The following FAF1 variants were observed in gnomAD, a reference collection of about 807,000 sequenced individuals.
FAF1 encodes Fas associated factor 1.
In FAF1, 25 loss-of-function variants were observed where a neutral mutation model predicts 92.5. The observed-to-expected ratio is 0.27, with a 90% CI of 0.20 to 0.38. The LOEUF (loss-of-function observed/expected upper bound fraction) is 0.38. Ranked by LOEUF, FAF1 falls within the 10% of genes least tolerant of loss-of-function variation. The pLI, the probability that FAF1 is intolerant of heterozygous loss-of-function variation, is 1.00. For synonymous variants in FAF1, 234 were observed against 273.2 expected, an observed-to-expected ratio of 0.86 and a Z score of 1.42; for missense variants, 636 against 793.3, an observed-to-expected ratio of 0.80 and a Z score of 2.38.
intron 8 of FAF1, among the ~76,000 whole-genome samples, chr1:50,651,453 T>A (rs1233025319): frequency 6.6e-6 from 1 of 152,204 alleles, no homozygotes; most frequent in African/African-American, 2.4e-5. Context: ...GGTATTTTCA[T>A]AAATTCACAG....
chr1:50,760,150 A>G (rs1660264449), intron 4 of FAF1, among the ~76,000 whole-genome samples: 1 of 152,158 alleles, frequency 6.6e-6, no homozygotes, highest in Admixed American at 6.5e-5. Context: ...TCCTAAATAT[A>G]TATGCACCCA....
chr1:50,656,984 A>G (rs115110771), intron 7 of FAF1, among the ~76,000 whole-genome samples: 3 of 152,080 alleles, frequency 2.0e-5, no homozygotes, highest in Non-Finnish European at 4.4e-5. Flanking sequence ...GTCAAGGTAC[A>G]AGGATCACTT....
intron 1 of FAF1, among the ~76,000 whole-genome samples, chr1:50,901,622 T>A (rs921452768): frequency 6.6e-6 from 1 of 152,046 alleles, no homozygotes; most frequent in Non-Finnish European, 1.5e-5. Context: ...TCTCAGCACT[T>A]TGGGAAGCCA....
intron 7 of FAF1, among the ~76,000 whole-genome samples, chr1:50,678,065 T>C (rs556422203): frequency 2.2e-4 from 33 of 152,314 alleles, no homozygotes; most frequent in African/African-American, 7.7e-4. Context: ...TACCCTTCCA[T>C]ATATGCTTGG....
chr1:50,889,498 A>G (rs1215303728), intron 1 of FAF1, among the ~76,000 whole-genome samples: 1 of 152,168 alleles, frequency 6.6e-6, no homozygotes, highest in Non-Finnish European at 1.5e-5. Context: ...TCTTGTGGGC[A>G]TTTAGTGCTA....
chr1:50,493,031 CTTCT>C (rs1307945980), intron 15 of FAF1, among the ~76,000 whole-genome samples: 2 of 142,618 alleles, frequency 1.4e-5, no homozygotes, highest in African/African-American at 2.9e-5. Context: ...AAGGATTAAA[CTTCT>C]TTTTTTTTTT....
In FAF1 at chr1:50,557,702, TAGAAG is replaced by T. The variant is rs375527132; in HGVS notation, c.1268+9370_1268+9374del. Among the ~76,000 whole-genome samples the T allele has an allele frequency of 2.0e-4, 31 of 152,258 alleles. No individual in the cohort carries two copies. In the East Asian group the frequency reaches 5.0e-3, roughly 25 times the overall value. On this transcript the variant is annotated intron_variant, in intron 13 of 18. Transcript: ENST00000396153. ...CTGACTGTTTTACTATCAGTGTTTATAGAAGAGGAGAAATGTGCTACCAATTTCAA... is the reference window on the plus strand; with the variant it reads ...CTGACTGTTTTACTATCAGTGTTTATAGGAGAAATGTGCTACCAATTTCAA...
chr1:50,887,319 G>GTT (rs1557575341), intron 1 of FAF1, among the ~76,000 whole-genome samples: 1 of 151,952 alleles, frequency 6.6e-6, no homozygotes, highest in Admixed American at 6.6e-5. Flanking sequence ...TCTCCCATTC[G>GTT]GTAGGTTGCC....
intron 4 of FAF1, among the ~76,000 whole-genome samples, chr1:50,760,640 G>A (rs553805883): frequency 7.9e-5 from 12 of 152,090 alleles, no homozygotes; most frequent in Non-Finnish European, 1.2e-4. Context: ...TGAAACCAAC[G>A]AGAACAAAGA....
At chr1:50,912,729 T>C (rs1002752148) in intron 1 of FAF1, among the ~76,000 whole-genome samples, 4 of 152,200 alleles carry the variant, frequency 2.6e-5, no homozygotes, top group African/African-American at 9.6e-5. Flanking sequence ...TAAATGCCAG[T>C]GCCACAGTGT....
intron 2 of FAF1, among the ~76,000 whole-genome samples, chr1:50,815,196 G>A (rs1323550970): frequency 6.6e-6 from 1 of 152,090 alleles, no homozygotes; most frequent in Non-Finnish European, 1.5e-5. Flanking sequence ...CGTGAGCAGA[G>A]TACCTAATAG....
At chr1:50,805,517 A>C (rs1662159355) in intron 2 of FAF1, among the ~76,000 whole-genome samples, 1 of 152,198 alleles carries the variant, frequency 6.6e-6, no homozygotes. Flanking sequence ...GGTGGGCTTT[A>C]GACCTTTTGG....
At chr1:50,472,085 G>A (rs945110996) in intron 18 of FAF1, among the ~76,000 whole-genome samples, 1 of 152,000 alleles carries the variant, frequency 6.6e-6, no homozygotes, top group Non-Finnish European at 1.5e-5. Flanking sequence ...TTTCTGGGAA[G>A]GGCCTATGTT....
At chr1:50,815,515 T>G (rs1424247940) in intron 2 of FAF1, among the ~76,000 whole-genome samples, 1 of 152,230 alleles carries the variant, frequency 6.6e-6, no homozygotes, top group Non-Finnish European at 1.5e-5. Context: ...AATACTGCTG[T>G]GATGAACACA....
In FAF1 at chr1:50,931,068, C is replaced by T. The variant is rs376831884; in HGVS notation, c.45+28699G>A. 2.0e-5 allele frequency among the ~76,000 whole-genome samples: 3 copies of T among 152,112 alleles called. No homozygotes were observed. The East Asian group carries it at 5.8e-4, about 29-fold the overall frequency. ...GAGAAGCATCTTTATATTCCAGATG[C>T]TTCTCTTATACGAAATATAGATCAA... On this transcript the variant is annotated intron_variant, in intron 1 of 18. Coordinates refer to ENST00000396153, the MANE Select transcript of FAF1 (RefSeq NM_007051.3).
At position 50,734,594 on chromosome 1, in the gene FAF1, C is replaced by T. The variant is rs112331712; in HGVS notation, c.551+4269G>A. Among the ~76,000 whole-genome samples, 59 of 151,970 alleles carry T rather than the reference C, an allele frequency of 3.9e-4. 4 individuals are homozygous for T. The highest frequency in any genetic ancestry group is 1.4e-3 in the African/African-American group (56 of 41,462). The stretch of plus-strand genomic sequence containing the variant: ...CTAAATATACAAAAAATTAGCCGGG[C>T]GTATTGGCGGGCGCCTGTATTCCCA... On this transcript the variant is annotated intron_variant, in intron 6 of 18. Transcript: ENST00000396153.
chr1:50,539,526 G>C (rs1340086442), intron 14 of FAF1, 66 bp downstream of exon 14: 1 of 1,105,398 alleles, frequency 9.0e-7, no homozygotes, highest in Non-Finnish European at 1.3e-6. Flanking sequence ...TGTCAGCTTG[G>C]GTGGAAAAAC....
intron 1 of FAF1, among the ~76,000 whole-genome samples, chr1:50,879,201 C>A (rs927139961): frequency 5.3e-5 from 8 of 152,044 alleles, no homozygotes; most frequent in African/African-American, 1.9e-4. Context: ...GACAAGATTG[C>A]GCCACTGCAC....
chr1:50,510,138 C>T (rs1374056401), intron 15 of FAF1, among the ~76,000 whole-genome samples: 2 of 149,202 alleles, frequency 1.3e-5, no homozygotes, highest in Non-Finnish European at 3.0e-5. Flanking sequence ...TGCACTCTAG[C>T]CTGGGTGACA....
Sources: allele counts gnomAD v4.1 joint callset (sites outside exome capture counted in the v4.1 genomes callset), GRCh38; gene constraint gnomAD v4.1.1; transcripts MANE v1.5; gene names NCBI Gene and HGNC (gene_info 2026-07-23, HGNC 2026-07-21).